ANO2: variants seen among roughly 807,000 people sequenced by gnomAD.
ANO2 encodes anoctamin-2.
A neutral mutation model predicts 124.2 loss-of-function variants in ANO2; 101 were observed. That is an observed-to-expected ratio of 0.81 (90% CI 0.69 to 0.96). The LOEUF (loss-of-function observed/expected upper bound fraction) is 0.96. ANO2 is among the 40% of genes least tolerant of loss of function. The pLI, the probability that ANO2 is intolerant of heterozygous loss-of-function variation, is 0.00. For synonymous variants in ANO2, 486 were observed against 482.5 expected (o/e 1.01, Z -0.09); for missense variants, 1,293 against 1,274.5 (o/e 1.01, Z -0.22).
intron 20 of ANO2, among the ~76,000 whole-genome samples, chr12:5,584,741 C>T (rs1406992231): frequency 6.6e-6 from 1 of 152,156 alleles, no homozygotes; most frequent in South Asian, 2.1e-4. Context: ...CGATTGTACA[C>T]ATAAATAGGA....
intron 3 of ANO2, among the ~76,000 whole-genome samples, chr12:5,861,385 GGCCCCTAGCA>G (rs61528613): frequency 0.7 from 106,443 of 152,046 alleles, 38,603 homozygotes; most frequent in East Asian, 0.98. Flanking sequence ...CCGCACTCCA[GGCCCCTAGCA>G]GGGACTGGAG....
chr12:5,616,633 C>T (rs1944822783), intron 16 of ANO2, among the ~76,000 whole-genome samples: 2 of 152,142 alleles, frequency 1.3e-5, no homozygotes, highest in Admixed American at 6.5e-5. Context: ...AGGAGTTCTG[C>T]GTCCAGATGA....
chr12:5,784,372 C>T (rs771172276), intron 10 of ANO2, among the ~76,000 whole-genome samples: 1 of 152,182 alleles, frequency 6.6e-6, no homozygotes, highest in African/African-American at 2.4e-5. Context: ...TGACTATAAG[C>T]TCCTTGAGGG....
rs1216679604 is a variant in ANO2 at position 5,920,046 on chromosome 12, T to TGGAC, written c.534+993_534+994insGTCC. On this transcript the variant is annotated intron_variant, in intron 3 of 24. Transcript: ENST00000682330. Reference sequence around the variant, plus strand: ...ACTGTGGTGTGGATAAATGGATGGATGGATGGATGGATGGATGGATGGATG... The same window carrying TGGAC: ...ACTGTGGTGTGGATAAATGGATGGATGGACGGATGGATGGATGGATGGATGGATG... 6.9e-4 allele frequency among the ~76,000 whole-genome samples: 94 copies of TGGAC among 135,902 alleles called. 1 individual carries two copies. The highest frequency in any genetic ancestry group is 1.2e-3 in the Non-Finnish European group (71 of 59,932). 89.2% of individuals were successfully genotyped at this position (135,902 alleles called of 152,430 possible).
intron 3 of ANO2, among the ~76,000 whole-genome samples, chr12:5,918,443 T>A (rs1941503739): frequency 6.7e-6 from 1 of 150,132 alleles, no homozygotes; most frequent in Non-Finnish European, 1.5e-5. Context: ...TGAATCTTTT[T>A]TTTTTTTTTT....
At chr12:5,566,277 G>C (rs7308178) in intron 23 of ANO2, among the ~76,000 whole-genome samples, 2,856 of 152,278 alleles carry the variant, frequency 0.019, 80 homozygotes, top group African/African-American at 0.063. Context: ...TCAGTATTCT[G>C]TTTTGCTAAT....
chr12:5,747,640 C>T (rs1252354206), intron 11 of ANO2, among the ~76,000 whole-genome samples: 1 of 152,204 alleles, frequency 6.6e-6, no homozygotes, highest in African/African-American at 2.4e-5. Flanking sequence ...TCTGTTACAT[C>T]AGATTTCAGT....
chr12:5,772,965 G>A (rs922307804), intron 10 of ANO2, among the ~76,000 whole-genome samples: 2 of 152,364 alleles, frequency 1.3e-5, no homozygotes, highest in East Asian at 3.9e-4. Context: ...GCCCCAGGAG[G>A]CTGATGTCTG....
At chr12:5,601,644 G>A (rs1480749842) in intron 19 of ANO2, among the ~76,000 whole-genome samples, 3 of 152,148 alleles carry the variant, frequency 2.0e-5, no homozygotes, top group Admixed American at 6.5e-5. Context: ...ATCAGACGAC[G>A]TGTTCAAATC....
intron 19 of ANO2, among the ~76,000 whole-genome samples, chr12:5,602,299 GGGGTGCAGT>G (rs1466594124): frequency 6.6e-6 from 1 of 151,782 alleles, no homozygotes; most frequent in Non-Finnish European, 1.5e-5. Context: ...AGCCCAGGAT[GGGGTGCAGT>G]GGTGTGATTT....
chr12:5,628,107 A>T (rs1045132939), intron 16 of ANO2, among the ~76,000 whole-genome samples: 1 of 152,136 alleles, frequency 6.6e-6, no homozygotes, highest in African/African-American at 2.4e-5. Context: ...CTATTTTTGA[A>T]AAAAGAGAGA....
chr12:5,937,872 C>T (rs111909829), intron 1 of ANO2, among the ~76,000 whole-genome samples: 6 of 152,232 alleles, frequency 3.9e-5, no homozygotes, highest in Non-Finnish European at 5.9e-5. Flanking sequence ...TTTTCTCTAC[C>T]GTGTGCTTCT....
At chr12:5,653,735 C>T (rs767306599) in intron 14 of ANO2, among the ~76,000 whole-genome samples, 37 of 152,042 alleles carry the variant, frequency 2.4e-4, no homozygotes, top group Non-Finnish European at 4.0e-4. Flanking sequence ...GAAAGATGAA[C>T]GCAAATTATG....
intron 23 of ANO2, among the ~76,000 whole-genome samples, chr12:5,567,120 T>G (rs1255484903): frequency 6.6e-6 from 1 of 152,180 alleles, no homozygotes. Flanking sequence ...GGGACTCGAC[T>G]AGGGCTTGGC....
At chr12:5,791,085 G>T (rs1952681820) in intron 10 of ANO2, among the ~76,000 whole-genome samples, 1 of 152,060 alleles carries the variant, frequency 6.6e-6, no homozygotes, top group Admixed American at 6.5e-5. Flanking sequence ...ACAAAAGCAG[G>T]CCCTCTACAA....
At chr12:5,775,697 G>A (rs1356288504) in intron 10 of ANO2, among the ~76,000 whole-genome samples, 6 of 152,068 alleles carry the variant, frequency 3.9e-5, no homozygotes, top group African/African-American at 7.2e-5. Flanking sequence ...TTCTGACCTC[G>A]TGATCCACCT....
At chr12:5,639,095 G>A (rs1047676090) in intron 15 of ANO2, among the ~76,000 whole-genome samples, 4 of 152,164 alleles carry the variant, frequency 2.6e-5, no homozygotes, top group Admixed American at 1.3e-4. Context: ...ACAGAAAAAA[G>A]TTTTGGGACA....
At chr12:5,865,484 C>A (rs1955394674) in intron 3 of ANO2, among the ~76,000 whole-genome samples, 1 of 151,576 alleles carries the variant, frequency 6.6e-6, no homozygotes, top group South Asian at 2.1e-4. Flanking sequence ...CATGCATTCA[C>A]ACCATCATAC....
chr12:5,625,969 G>T (rs1945377814), intron 16 of ANO2, among the ~76,000 whole-genome samples: 1 of 152,174 alleles, frequency 6.6e-6, no homozygotes, highest in South Asian at 2.1e-4. Flanking sequence ...AGCATGGAAA[G>T]CATCAAGCAT....
Sources: allele counts gnomAD v4.1 joint callset (sites outside exome capture counted in the v4.1 genomes callset), GRCh38; gene constraint gnomAD v4.1.1; transcripts MANE v1.5; gene names NCBI Gene and HGNC (gene_info 2026-07-23, HGNC 2026-07-21).